DIP2C: variants seen among roughly 807,000 people sequenced by gnomAD.
DIP2C encodes DIP2 acetate--CoA ligase C (putative), also known as disco-interacting protein 2 homolog C.
In DIP2C, 33 loss-of-function variants were observed where a neutral mutation model predicts 192.4. The observed-to-expected ratio is 0.17, with a 90% CI of 0.13 to 0.23. The LOEUF (loss-of-function observed/expected upper bound fraction) is 0.23. Among genes scored for constraint, DIP2C ranks in the 10% least tolerant of loss-of-function variants. The pLI, the probability that DIP2C is intolerant of heterozygous loss-of-function variation, is 1.00. For synonymous variants in DIP2C, 979 were observed against 864.1 expected (o/e 1.13, Z -2.33); for missense variants, 1,537 against 2,110.1 (o/e 0.73, Z 5.32).
intron 1 of DIP2C, among the ~76,000 whole-genome samples, chr10:523,366 A>G (rs79349740): frequency 3.6e-4 from 50 of 139,146 alleles, no homozygotes; most frequent in African/African-American, 1.1e-3. Context: ...CGATGCAGGG[A>G]CTCTGTGTCA....
chr10:682,465 T>C (rs888605432), intron 1 of DIP2C, among the ~76,000 whole-genome samples: 8 of 151,250 alleles, frequency 5.3e-5, no homozygotes, highest in Admixed American at 3.3e-4. Context: ...AAATTTACAT[T>C]AAAGTTAAAG....
intron 1 of DIP2C, among the ~76,000 whole-genome samples, chr10:541,050 TGGGGAGCCACAACACCCGA>T: frequency 7.7e-6 from 1 of 130,566 alleles, no homozygotes; most frequent in African/African-American, 3.3e-5. Context: ...CACCCGATGC[TGGGGAGCCACAACACCCGA>T]TGCTGGGGAG....
In DIP2C at chr10:356,139, G is replaced by A. The variant is rs1334226677; in HGVS notation, c.2985+287C>T. The A allele has an allele frequency of 3.8e-5, 21 of 547,108 alleles. No individual in the cohort carries two copies. The South Asian group carries it at 3.9e-4, about 10-fold the overall frequency. The allele number at this position is 547,108 out of a possible 1,614,324, so 33.9% of individuals were successfully genotyped here. On this transcript the variant is annotated intron_variant, in intron 24 of 36. Coordinates refer to ENST00000280886, the MANE Select transcript of DIP2C (RefSeq NM_014974.3). The stretch of plus-strand genomic sequence containing the variant: ...AAAATAAAAATGCAAATATCTCATA[G>A]ACTTACGATTTCTCTCTTGCAGATA...
intron 9 of DIP2C, 82 bp downstream of exon 9, chr10:408,844 A>G: frequency 1.4e-6 from 2 of 1,394,912 alleles, no homozygotes; most frequent in Non-Finnish European, 2.0e-6. Context: ...GTGGCGCTGA[A>G]CTCTGTAATG....
chr10:545,166 C>CTTTTTTTTTTTTTTTTTTTT (rs60185327), intron 1 of DIP2C, among the ~76,000 whole-genome samples: 1 of 86,336 alleles, frequency 1.2e-5, no homozygotes, highest in Non-Finnish European at 2.1e-5. Context: ...GGTGTTTTCC[C>CTTTTTTTTTTTTTTTTTTTT]TTTTTTTTTT....
Position 555,738 on chromosome 10 carries a change from G to C in DIP2C, c.86-69208C>G, listed in dbSNP as rs943356719. Reference sequence around the variant, plus strand: ...TCTAAAGGCAGGCAAACTATGAAAAGAATCTATAGAGGAAGGACTAGCTCT... The same window carrying C: ...TCTAAAGGCAGGCAAACTATGAAAACAATCTATAGAGGAAGGACTAGCTCT... On this transcript the variant is annotated intron_variant, in intron 1 of 36. Coordinates refer to ENST00000280886, the MANE Select transcript of DIP2C (RefSeq NM_014974.3). 8.5e-5 allele frequency among the ~76,000 whole-genome samples: 13 copies of C among 152,118 alleles called. No homozygotes were observed. The East Asian group carries it at 1.3e-3, about 16-fold the overall frequency.
At chr10:551,817 C>T (rs933157537) in intron 1 of DIP2C, among the ~76,000 whole-genome samples, 10 of 152,192 alleles carry the variant, frequency 6.6e-5, no homozygotes, top group Non-Finnish European at 8.8e-5. Context: ...GGTTCAACCT[C>T]GGGCCACTGC....
chr10:430,148 G>T (rs1966843827), intron 4 of DIP2C: 1 of 152,200 alleles, frequency 6.6e-6, no homozygotes, highest in Non-Finnish European at 1.5e-5. Context: ...ATGATGTGAA[G>T]CGTCATTTCA....
chr10:613,219 TGAA>T (rs1276558352), intron 1 of DIP2C, among the ~76,000 whole-genome samples: 4 of 152,252 alleles, frequency 2.6e-5, no homozygotes, highest in African/African-American at 7.2e-5. Context: ...TTAGAACTTT[TGAA>T]GAACAGATGT....
chr10:348,612 G>A, intron 26 of DIP2C, 29 bp downstream of exon 26: 2 of 1,607,524 alleles, frequency 1.2e-6, no homozygotes, highest in Non-Finnish European at 1.7e-6. Context: ...CCAGGCAGGT[G>A]GAGGCCCCGA....
intron 1 of DIP2C, among the ~76,000 whole-genome samples, chr10:681,949 C>A (rs769361372): frequency 6.2e-4 from 95 of 152,216 alleles, no homozygotes; most frequent in Non-Finnish European, 2.5e-4. Flanking sequence ...GCAACAGGGA[C>A]CCAGAGACCA....
intron 1 of DIP2C, chr10:630,048 G>C (rs1230098440): frequency 2.6e-5 from 4 of 152,176 alleles, no homozygotes; most frequent in African/African-American, 9.7e-5. Context: ...TTTCTCATCC[G>C]TGAAAGAATA....
chr10:476,307 C>A (rs141513274), intron 2 of DIP2C, among the ~76,000 whole-genome samples: 42 of 152,336 alleles, frequency 2.8e-4, no homozygotes, highest in African/African-American at 1.0e-3. Flanking sequence ...CAGATCCGGT[C>A]CTCCGGGGAC....
At position 532,973 on chromosome 10, in the gene DIP2C, G is replaced by A. The variant is rs561421597; in HGVS notation, c.86-46443C>T. Among the ~76,000 whole-genome samples, 4 of 152,264 alleles carry A rather than the reference G, an allele frequency of 2.6e-5. No individual in the cohort carries two copies. The East Asian group carries it at 7.7e-4, about 29-fold the overall frequency. On this transcript the variant is annotated intron_variant, in intron 1 of 36. Coordinates refer to ENST00000280886, the MANE Select transcript of DIP2C (RefSeq NM_014974.3). ...TCCTACTTAATTTTTTGTAGCATCA[G>A]GGTCTTTAGGTGCTGGGATTACAGG...
rs185033946 is a variant in DIP2C, at chr10:358,368, A to G, written c.2795-431T>C. Among the ~76,000 whole-genome samples the G allele has an allele frequency of 1.1e-3, 170 of 151,104 alleles. No homozygotes were observed. The East Asian group carries it at 0.016, about 14-fold the overall frequency. On this transcript the variant is annotated intron_variant, in intron 22 of 36. Coordinates refer to ENST00000280886, the MANE Select transcript of DIP2C (RefSeq NM_014974.3). Reference sequence around the variant, plus strand: ...CACACCTGAGAGCTGGCTGTGGACAAACAGACAGTGGACATTTCACATACA... The same window carrying G: ...CACACCTGAGAGCTGGCTGTGGACAGACAGACAGTGGACATTTCACATACA...
intron 36 of DIP2C, among the ~76,000 whole-genome samples, chr10:278,496 G>A (rs549307653): frequency 1.3e-5 from 2 of 152,358 alleles, no homozygotes; most frequent in Admixed American, 1.3e-4. Context: ...TAAGAAACAC[G>A]TGGAGAAGAG....
intron 1 of DIP2C, among the ~76,000 whole-genome samples, chr10:576,585 C>T (rs1850176258): frequency 6.6e-6 from 1 of 152,196 alleles, no homozygotes. Flanking sequence ...CAACCAGGTG[C>T]TATCATTGAG....
intron 1 of DIP2C, among the ~76,000 whole-genome samples, chr10:644,106 T>C (rs1855335988): frequency 6.6e-6 from 1 of 152,218 alleles, no homozygotes; most frequent in Non-Finnish European, 1.5e-5. Flanking sequence ...TCCGTGAGCG[T>C]ATTCCTTACT....
At chr10:513,625 T>TGAAAGC (rs1846170487) in intron 1 of DIP2C, among the ~76,000 whole-genome samples, 1 of 504 alleles carries the variant, frequency 2.0e-3, no homozygotes, top group Non-Finnish European at 4.3e-3. Context: ...ACACCTTACC[T>TGAAAGC]GAAAGTCACT....
Sources: gnomAD v4.1 joint callset for allele counts (sites outside exome capture counted in the v4.1 genomes callset) on GRCh38, gnomAD v4.1.1 for gene constraint, MANE v1.5 for transcripts, NCBI Gene and HGNC (gene_info 2026-07-23, HGNC 2026-07-21) for gene names.